Variants in TCEANC2 observed in about 807,000 individuals in gnomAD.
TCEANC2 encodes the protein transcription elongation factor A N-terminal and central domain containing 2.
Under a neutral mutation model 22.8 loss-of-function variants are expected in TCEANC2, and 20 were observed. The observed-to-expected ratio is 0.88, with a 90% CI of 0.62 to 1.28. The LOEUF is 1.28. Ranked by LOEUF, TCEANC2 falls within the 50% of genes most tolerant of loss-of-function variation. The pLI, the probability that TCEANC2 is intolerant of heterozygous loss-of-function variation, is 0.00. For missense variants in TCEANC2, 251 were observed against 249.7 expected (o/e 1.01, Z -0.03); for synonymous variants, 84 against 95.5 (o/e 0.88, Z 0.70).
chr1:54,071,438 C>T (rs1658054069), intron 3 of TCEANC2, among the ~76,000 whole-genome samples: 1 of 152,108 alleles, frequency 6.6e-6, no homozygotes, highest in African/African-American at 2.4e-5. Flanking sequence ...GGCAGGAGGC[C>T]TCAGTTTCTC....
intron 3 of TCEANC2, among the ~76,000 whole-genome samples, chr1:54,071,940 T>C (rs919642504): frequency 6.6e-6 from 1 of 151,794 alleles, no homozygotes; most frequent in Non-Finnish European, 1.5e-5. Flanking sequence ...GCCCCCCAAG[T>C]AGGTAGGACT....
chr1:54,056,600 C>T (rs558567664), intron 2 of TCEANC2, among the ~76,000 whole-genome samples: 1 of 152,186 alleles, frequency 6.6e-6, no homozygotes, highest in African/African-American at 2.4e-5. Flanking sequence ...GCTGGGATTA[C>T]AGGCGTGAGC....
chr1:54,057,616 C>T (rs1198129824), intron 2 of TCEANC2, among the ~76,000 whole-genome samples: 1 of 152,096 alleles, frequency 6.6e-6, no homozygotes, highest in South Asian at 2.1e-4. Context: ...TGTCTCCCTG[C>T]CTTTGACATC....
chr1:54,068,424 C>T (rs796965985), intron 2 of TCEANC2, among the ~76,000 whole-genome samples: 1 of 152,222 alleles, frequency 6.6e-6, no homozygotes, highest in African/African-American at 2.4e-5. Context: ...AATTAAGACA[C>T]TCTTAAGTGA....
At chr1:54,108,221 A>G (rs564656574), downstream of TCEANC2, among the ~76,000 whole-genome samples, 17 of 152,274 alleles carry the variant, frequency 1.1e-4, no homozygotes, top group East Asian at 3.9e-4. Flanking sequence ...TAGCATTCCC[A>G]GTCCTGCTGA....
rs141246994 is a variant in TCEANC2, at chr1:54,092,221, A to G, written c.438+3431A>G. 5.3e-4 allele frequency among the ~76,000 whole-genome samples: 80 copies of G among 152,342 alleles called. No homozygotes were observed. The Middle Eastern group carries it at 0.017, about 32-fold the overall frequency. ...CTACTTGGTGCTGGGGGAGAAGACA[A>G]TCATGAATGAGTCGCATTCCCTATC... On this transcript the variant is annotated intron_variant, in intron 4 of 4. Transcript: ENST00000234827.
intron 2 of TCEANC2, among the ~76,000 whole-genome samples, chr1:54,057,541 A>G (rs1016254779): frequency 4.0e-5 from 6 of 151,544 alleles, no homozygotes; most frequent in Non-Finnish European, 8.8e-5. Context: ...TACTCACTTG[A>G]TTGTCTTCCA....
At chr1:54,090,029 A>G in intron 4 of TCEANC2, 1 of 683,008 alleles carries the variant, frequency 1.5e-6, no homozygotes, top group African/African-American at 1.8e-5. Context: ...AGGTAGCAAC[A>G]CAAATCAGAA....
chr1:54,086,018 G>A (rs530945033), intron 3 of TCEANC2, among the ~76,000 whole-genome samples: 143 of 152,308 alleles, frequency 9.4e-4, no homozygotes, highest in Non-Finnish European at 1.5e-3. Context: ...ATAGGCATGA[G>A]CCACTGCACC....
intron 2 of TCEANC2, among the ~76,000 whole-genome samples, chr1:54,060,664 G>A (rs1657834541): frequency 6.6e-6 from 1 of 151,998 alleles, no homozygotes; most frequent in Non-Finnish European, 1.5e-5. Flanking sequence ...AAGAGGCCTG[G>A]CGTGGTGGCT....
At position 54,096,474 on chromosome 1, in the gene TCEANC2, C is replaced by T; in HGVS notation, c.*1C>T. 6.3e-7 allele frequency: 1 copy of T among 1,593,186 alleles called. No individual in the cohort carries two copies. Among genetic ancestry groups the T allele is most frequent in the South Asian group, 1.1e-5 (1 of 90,514 alleles). ...GTTTGTACAGACCCACAAAAAGTGA[C>T]CTGAGGACGGTTCCAGCCCTGGGCC... is the stretch of plus-strand genomic sequence containing the variant. On this transcript the variant is annotated 3_prime_UTR_variant, in exon 5 of 5. Transcript: ENST00000234827. This position sits in a 1 kb window ranked among gnomAD's most constrained non-coding sequence, Gnocchi z 4.9.
At chr1:54,071,324 G>A (rs1283486906) in intron 3 of TCEANC2, among the ~76,000 whole-genome samples, 1 of 152,034 alleles carries the variant, frequency 6.6e-6, no homozygotes, top group Non-Finnish European at 1.5e-5. Context: ...TCTAGCACAG[G>A]GTCTCTTATG....
In TCEANC2 at chr1:54,068,868, C is replaced by T. The variant is rs759270050; in HGVS notation, c.215C>T (p.Ser72Phe). The T allele has an allele frequency of 6.2e-7, 1 of 1,602,710 alleles. No individual in the cohort carries two copies. The highest frequency in any genetic ancestry group is 8.5e-7 in the Non-Finnish European group (1 of 1,176,868). Residue 72 changes from serine (S) to phenylalanine (F), a missense_variant, in exon 3 of 5, where the codon TCC becomes TTC. Physicochemically the swap from Ser to Phe is radical, Grantham distance 155. Coordinates refer to ENST00000234827, the MANE Select transcript of TCEANC2 (RefSeq NM_153035.3). ...ALQELKKKIPSREVLKSTRIG... is the reference protein window; with the variant it reads ...ALQELKKKIPFREVLKSTRIG... ...CAAGAATTAAAGAAGAAAATACCCT[C>T]CAGGGAAGTGTTAAAATCAACAAGG...
intron 4 of TCEANC2, among the ~76,000 whole-genome samples, chr1:54,094,588 G>C (rs1319176226): frequency 6.6e-6 from 1 of 152,180 alleles, no homozygotes; most frequent in African/African-American, 2.4e-5. Flanking sequence ...TTCTCCTGGT[G>C]CACAGGATCC....
Position 54,096,217 on chromosome 1 carries a change from C to T in TCEANC2, c.439-68C>T. On this transcript the variant is annotated intron_variant, in intron 4 of 4. Coordinates refer to ENST00000234827, the MANE Select transcript of TCEANC2 (RefSeq NM_153035.3). The surrounding 1 kb of genome is among the most constrained non-coding windows in gnomAD (Gnocchi z 4.9). Reference sequence around the variant, plus strand: ...AATGGAGGCCTCTGAGCAGAGTGCTCCAGCCTCTCTTGCTTTTAATCCTTA... The same window carrying T: ...AATGGAGGCCTCTGAGCAGAGTGCTTCAGCCTCTCTTGCTTTTAATCCTTA... 7.9e-6 allele frequency: 12 copies of T among 1,521,830 alleles called. No homozygotes were observed. The highest frequency in any genetic ancestry group is 9.8e-6 in the Non-Finnish European group (11 of 1,125,922). The allele number at this position is 1,521,830 out of a possible 1,614,324, so 94.3% of individuals were successfully genotyped here.
At position 54,088,596 on chromosome 1, in the gene TCEANC2, G is replaced by A; in HGVS notation, c.245-1G>A. 6.3e-7 allele frequency: 1 copy of A among 1,597,088 alleles called. No homozygotes were observed. Among genetic ancestry groups the A allele is most frequent in the Admixed American group, 1.8e-5 (1 of 56,494 alleles). On this transcript the variant is annotated splice_acceptor_variant, in intron 3 of 4. Coordinates refer to ENST00000234827, the MANE Select transcript of TCEANC2 (RefSeq NM_153035.3). LOFTEE classifies it high-confidence loss of function. ...CTTTGGTTTTTCTCTTCCTGTTCCA[G>A]GTCACACTGTGAACAAGATGCGTAA...
At chr1:54,092,689 A>G (rs1658470156) in intron 4 of TCEANC2, among the ~76,000 whole-genome samples, 1 of 152,214 alleles carries the variant, frequency 6.6e-6, no homozygotes, top group South Asian at 2.1e-4. Context: ...AGATAGTTAC[A>G]AGACTGTGGG....
At chr1:54,075,054 A>G (rs1055967828) in intron 3 of TCEANC2, among the ~76,000 whole-genome samples, 2 of 152,244 alleles carry the variant, frequency 1.3e-5, no homozygotes, top group Non-Finnish European at 2.9e-5. Context: ...CAAGATGAGG[A>G]TTAGCAAGAG....
At position 54,103,864 on chromosome 1, in the gene TCEANC2, GGC is replaced by G. The variant is rs1307194429; in HGVS notation, c.*7392_*7393del. Reference sequence around the variant, plus strand: ...GCTTCATCCAGCACAACTCTCAAAGGGCTTATAGAATGTTTAATCTACTGGGA... The same window carrying G: ...GCTTCATCCAGCACAACTCTCAAAGGTTATAGAATGTTTAATCTACTGGGA... On this transcript the variant is annotated 3_prime_UTR_variant, in exon 5 of 5. Transcript: ENST00000234827. 6.6e-6 allele frequency: 1 copy of G among 152,134 alleles called. No homozygotes were observed. The highest frequency in any genetic ancestry group is 1.9e-4 in the East Asian group (1 of 5,198). 9.4% of individuals were successfully genotyped at this position (152,134 alleles called of 1,614,324 possible).
Sources: gnomAD v4.1 joint callset for allele counts (sites outside exome capture counted in the v4.1 genomes callset) on GRCh38, gnomAD v4.1.1 for gene constraint, Gnocchi (gnomAD v3.1) non-coding constraint, MANE v1.5 for transcripts, NCBI Gene and HGNC (gene_info 2026-07-23, HGNC 2026-07-21) for gene names.